Variants in LINGO2 observed in about 807,000 individuals in gnomAD.
LINGO2 encodes the protein leucine-rich repeat and immunoglobulin-like domain-containing nogo receptor-interacting protein 2.
A neutral mutation model predicts 30.6 loss-of-function variants in LINGO2; 14 were observed. The ratio of observed to expected loss-of-function variants is 0.46; its 90% CI spans 0.30 to 0.72. The LOEUF (loss-of-function observed/expected upper bound fraction) is 0.72. LINGO2 is among the 30% of genes least tolerant of loss of function. The pLI is 0.07. For synonymous variants in LINGO2, 317 were observed against 288.5 expected, an observed-to-expected ratio of 1.10 and a Z score of -1.00; for missense variants, 729 against 751.7, an observed-to-expected ratio of 0.97 and a Z score of 0.35.
chr9:28,998,918 C>G, the LINGO2 span, among the ~76,000 whole-genome samples: 6 of 152,062 alleles, frequency 3.9e-5, no homozygotes, highest in Non-Finnish European at 7.4e-5. Flanking sequence ...TCTTCCGCTT[C>G]CGTAATTTTA....
At chr9:28,431,849 G>GA (rs1300039499) in intron 2 of LINGO2, among the ~76,000 whole-genome samples, 8 of 152,098 alleles carry the variant, frequency 5.3e-5, no homozygotes, top group Admixed American at 6.6e-5. Context: ...AAAGCACAGT[G>GA]AAAAAGTATT....
At chr9:28,087,836 A>G (rs1238562417) in intron 4 of LINGO2, among the ~76,000 whole-genome samples, 1 of 152,036 alleles carries the variant, frequency 6.6e-6, no homozygotes, top group African/African-American at 2.4e-5. Flanking sequence ...GTAACCCATG[A>G]GATAGCTCCT....
At chr9:28,637,036 A>G (rs1241391998) in intron 1 of LINGO2, among the ~76,000 whole-genome samples, 1 of 152,200 alleles carries the variant, frequency 6.6e-6, no homozygotes, top group East Asian at 1.9e-4. Context: ...AGCTTTCTAC[A>G]TATGGCTAGC....
the LINGO2 span, among the ~76,000 whole-genome samples, chr9:28,688,960 C>T: frequency 6.6e-5 from 10 of 152,132 alleles, no homozygotes; most frequent in Non-Finnish European, 1.3e-4. Context: ...TCCTCATCTG[C>T]TGCTGTTCAT....
intron 4 of LINGO2, among the ~76,000 whole-genome samples, chr9:28,038,617 C>A (rs547046554): frequency 2.0e-5 from 3 of 150,024 alleles, no homozygotes; most frequent in African/African-American, 7.4e-5. Flanking sequence ...GGCGTGAACC[C>A]GGGAGGCGGA....
At chr9:28,020,884 C>CT (rs1306383441) in intron 4 of LINGO2, among the ~76,000 whole-genome samples, 1 of 151,868 alleles carries the variant, frequency 6.6e-6, no homozygotes, top group Non-Finnish European at 1.5e-5. Flanking sequence ...AATGACCCCT[C>CT]TCTCTCATTT....
intron 1 of LINGO2, among the ~76,000 whole-genome samples, chr9:28,642,225 G>GA (rs920636784): frequency 1.3e-4 from 19 of 149,510 alleles, no homozygotes; most frequent in African/African-American, 3.9e-4. Context: ...TTGAAAAAGT[G>GA]AAAAAAAAAG....
the LINGO2 span, among the ~76,000 whole-genome samples, chr9:29,166,789 T>G: frequency 1.3e-5 from 2 of 152,112 alleles, no homozygotes; most frequent in Non-Finnish European, 2.9e-5. Context: ...ATTTCTAAAT[T>G]TATTATAGGT....
intron 4 of LINGO2, among the ~76,000 whole-genome samples, chr9:28,085,684 A>G (rs538649666): frequency 1.9e-4 from 29 of 152,230 alleles, no homozygotes; most frequent in South Asian, 2.1e-4. Flanking sequence ...AGAATGAGGC[A>G]TGGAAAGGAG....
intron 3 of LINGO2, among the ~76,000 whole-genome samples, chr9:28,356,620 T>C (rs538164553): frequency 5.9e-5 from 9 of 152,274 alleles, no homozygotes; most frequent in Non-Finnish European, 1.2e-4. Context: ...ACGTTTCAGT[T>C]GTAAGGAAAT....
the LINGO2 span, among the ~76,000 whole-genome samples, chr9:29,198,119 T>C: frequency 6.6e-6 from 1 of 152,120 alleles, no homozygotes; most frequent in African/African-American, 2.4e-5. Flanking sequence ...TAAAAAATAC[T>C]AAAGGACACA....
the LINGO2 span, among the ~76,000 whole-genome samples, chr9:28,758,491 C>A: frequency 6.6e-6 from 1 of 152,022 alleles, no homozygotes; most frequent in Non-Finnish European, 1.5e-5. Context: ...CGTATAAAGC[C>A]TGTTACTAAA....
the LINGO2 span, among the ~76,000 whole-genome samples, chr9:28,704,616 C>T: frequency 6.6e-6 from 1 of 151,576 alleles, no homozygotes; most frequent in Non-Finnish European, 1.5e-5. Context: ...GTTTTTCAGT[C>T]CTTTCAGTTT....
At chr9:29,141,793 T>C in the LINGO2 span, among the ~76,000 whole-genome samples, 11 of 151,764 alleles carry the variant, frequency 7.2e-5, no homozygotes, top group Non-Finnish European at 1.5e-5. Context: ...AAAAAAACTG[T>C]CACGGGAAAC....
intron 4 of LINGO2, among the ~76,000 whole-genome samples, chr9:28,273,922 C>T (rs10968427): frequency 0.23 from 34,306 of 151,884 alleles, 4,344 homozygotes; most frequent in Non-Finnish European, 0.3. Flanking sequence ...ATTCCCCTGC[C>T]TAGAGAGCAA....
the LINGO2 span, among the ~76,000 whole-genome samples, chr9:29,111,384 C>T: frequency 6.6e-6 from 1 of 152,086 alleles, no homozygotes; most frequent in African/African-American, 2.4e-5. Context: ...ACTCAAAATT[C>T]TTACAATATC....
chr9:28,036,563 T>C (rs185835774), intron 4 of LINGO2, among the ~76,000 whole-genome samples: 2 of 152,246 alleles, frequency 1.3e-5, no homozygotes, highest in East Asian at 3.9e-4. Context: ...GCAAATATGG[T>C]TTCCATCAGA....
At chr9:28,873,608 C>G in the LINGO2 span, among the ~76,000 whole-genome samples, 36 of 151,996 alleles carry the variant, frequency 2.4e-4, no homozygotes, top group Non-Finnish European at 4.9e-4. Context: ...TTTATGAAGG[C>G]TGTTGGTTGT....
intron 4 of LINGO2, among the ~76,000 whole-genome samples, chr9:28,172,606 T>C (rs1305601460): frequency 6.6e-6 from 1 of 152,134 alleles, no homozygotes; most frequent in Non-Finnish European, 1.5e-5. Context: ...ACCTATAAAT[T>C]TACACATGAA....
Sources: gnomAD v4.1 joint callset for allele counts (sites outside exome capture counted in the v4.1 genomes callset) on GRCh38, gnomAD v4.1.1 for gene constraint, MANE v1.5 for transcripts, NCBI Gene and HGNC (gene_info 2026-07-23, HGNC 2026-07-21) for gene names.